CNIH3: variants seen among roughly 807,000 people sequenced by gnomAD.
CNIH3 encodes cornichon family AMPA receptor auxiliary protein 3, also known as protein cornichon homolog 3.
In CNIH3, 14 loss-of-function variants were observed where a neutral mutation model predicts 24.1. That is an observed-to-expected ratio of 0.58 (90% CI 0.38 to 0.91). CNIH3 has a LOEUF of 0.91. Among genes scored for constraint, CNIH3 ranks in the 40% least tolerant of loss-of-function variants. The pLI, the probability that CNIH3 is intolerant of heterozygous loss-of-function variation, is 0.00. For missense variants in CNIH3, 178 were observed against 196.8 expected (o/e 0.90, Z 0.57); for synonymous variants, 68 against 73.8 (o/e 0.92, Z 0.40).
chr1:224,630,518 C>T (rs1223623973), intron 1 of CNIH3, among the ~76,000 whole-genome samples: 5 of 152,120 alleles, frequency 3.3e-5, no homozygotes, highest in Admixed American at 6.5e-5. Context: ...CAATTACCAC[C>T]GCAACAAAAA....
At chr1:224,692,136 AAGTT>A (rs1686961946) in intron 3 of CNIH3, among the ~76,000 whole-genome samples, 1 of 152,142 alleles carries the variant, frequency 6.6e-6, no homozygotes, top group Non-Finnish European at 1.5e-5. Flanking sequence ...TATCTACAAA[AAGTT>A]AGTAAAATAA....
chr1:224,494,543 A>C (rs796446148), intron 1 of CNIH3, among the ~76,000 whole-genome samples: 1 of 152,182 alleles, frequency 6.6e-6, no homozygotes, highest in Non-Finnish European at 1.5e-5. Context: ...TTTTGAGTTC[A>C]CATTCCTGCC....
At chr1:224,581,333 A>G (rs1472752838) in intron 4 of CNIH3, among the ~76,000 whole-genome samples, 2 of 152,146 alleles carry the variant, frequency 1.3e-5, no homozygotes, top group East Asian at 3.8e-4. Flanking sequence ...CTTGAAGTAA[A>G]AAAGGCATCA....
intron 4 of CNIH3, among the ~76,000 whole-genome samples, chr1:224,732,429 G>T (rs1326732137): frequency 6.6e-6 from 1 of 152,216 alleles, no homozygotes; most frequent in Non-Finnish European, 1.5e-5. Flanking sequence ...GAATTAGAGA[G>T]AAGTCAAATA....
At chr1:224,440,756 C>A (rs1013322170) in intron 1 of CNIH3, among the ~76,000 whole-genome samples, 24 of 150,992 alleles carry the variant, frequency 1.6e-4, no homozygotes, top group African/African-American at 5.1e-4. Flanking sequence ...GGGAGAAGTT[C>A]TTATTTTTCC....
At chr1:224,630,599 C>G (rs1408188787) in intron 1 of CNIH3, among the ~76,000 whole-genome samples, 4 of 152,244 alleles carry the variant, frequency 2.6e-5, no homozygotes, top group African/African-American at 9.6e-5. Context: ...TGCTTTTCTT[C>G]TTCCTCCTGG....
chr1:224,572,417 G>A (rs1433017693), intron 4 of CNIH3, among the ~76,000 whole-genome samples: 1 of 151,844 alleles, frequency 6.6e-6, no homozygotes, highest in Admixed American at 6.6e-5. Context: ...TTGGGAGGTT[G>A]AGGGATGAGA....
chr1:224,656,969 A>G (rs1360559659), intron 1 of CNIH3, among the ~76,000 whole-genome samples: 1 of 152,182 alleles, frequency 6.6e-6, no homozygotes, highest in Admixed American at 6.5e-5. Context: ...TTTCCTAGAC[A>G]AGATTTGTCT....
At chr1:224,653,023 A>G (rs1355618928) in intron 1 of CNIH3, among the ~76,000 whole-genome samples, 1 of 152,254 alleles carries the variant, frequency 6.6e-6, no homozygotes, top group African/African-American at 2.4e-5. Flanking sequence ...ATTTTGTGCC[A>G]GCCCTGGTGA....
intron 2 of CNIH3, among the ~76,000 whole-genome samples, chr1:224,542,852 A>G (rs980577247): frequency 1.3e-5 from 2 of 152,214 alleles, no homozygotes; most frequent in Non-Finnish European, 2.9e-5. Flanking sequence ...CTGCTATTGT[A>G]TAATAATTTC....
chr1:224,729,627 T>C (rs1200071235), intron 3 of CNIH3, among the ~76,000 whole-genome samples: 1 of 152,136 alleles, frequency 6.6e-6, no homozygotes, highest in Non-Finnish European at 1.5e-5. Flanking sequence ...TAGCCTTCCC[T>C]ACTGCTGGTC....
chr1:224,524,574 A>G lies in CNIH3; in HGVS notation n.343+3247A>G, dbSNP rs141544689. 8.5e-5 allele frequency among the ~76,000 whole-genome samples: 13 copies of G among 152,234 alleles called. No homozygotes were observed. The East Asian group carries it at 1.2e-3, about 14-fold the overall frequency. On this transcript the variant is annotated intron_variant and non_coding_transcript_variant, in intron 2 of 2. Transcript: ENST00000470602. ...ACAGGGGCATAATTTTGGGTTGTCTATGACTGTAGAGGGAATGACTTAGTT... is the reference window on the plus strand; with the variant it reads ...ACAGGGGCATAATTTTGGGTTGTCTGTGACTGTAGAGGGAATGACTTAGTT...
At chr1:224,715,260 T>C (rs2117941) in intron 3 of CNIH3, among the ~76,000 whole-genome samples, 107,322 of 152,064 alleles carry the variant, frequency 0.71, 38,800 homozygotes, top group East Asian at 0.96. Context: ...TTCCTGACTC[T>C]GCACCCTCTG....
chr1:224,656,478 C>T (rs1019889862), intron 1 of CNIH3, among the ~76,000 whole-genome samples: 6 of 152,078 alleles, frequency 3.9e-5, no homozygotes, highest in Admixed American at 6.6e-5. Context: ...GAACAATGAC[C>T]GGAAAAGTTC....
intron 1 of CNIH3, among the ~76,000 whole-genome samples, chr1:224,637,873 C>T (rs72760372): frequency 0.015 from 2,328 of 152,318 alleles, 22 homozygotes; most frequent in Non-Finnish European, 0.023. Flanking sequence ...CACCCCCAGT[C>T]CCCCTGTCTG....
At chr1:224,581,210 G>A (rs1681261241) in intron 4 of CNIH3, among the ~76,000 whole-genome samples, 1 of 151,960 alleles carries the variant, frequency 6.6e-6, no homozygotes, top group Admixed American at 6.6e-5. Flanking sequence ...TTTTCACTTT[G>A]TTCTGGGGAT....
In CNIH3 at chr1:224,734,743, C is replaced by A. The variant is rs192622027; in HGVS notation, c.455+37C>A. ...CCCCTCCTGGTGGTTTTGACTCCTG[C>A]AGCAAAAGGAAGAGAATTTCAGGCT... is the stretch of plus-strand genomic sequence containing the variant. On this transcript the variant is annotated intron_variant, in intron 5 of 5. Transcript: ENST00000272133. 7 of 1,608,946 alleles carry A rather than the reference C, an allele frequency of 4.4e-6. No individual in the cohort carries two copies. In the African/African-American group the frequency reaches 9.3e-5, roughly 21 times the overall value.
intron 3 of CNIH3, among the ~76,000 whole-genome samples, chr1:224,695,708 C>T (rs1687131733): frequency 6.6e-6 from 1 of 152,210 alleles, no homozygotes. Context: ...CCCTAGGGGC[C>T]AATCTCTGCA....
At chr1:224,539,587 C>G (rs712083), downstream of CNIH3, among the ~76,000 whole-genome samples, 1,023 of 152,276 alleles carry the variant, frequency 6.7e-3, 12 homozygotes, top group African/African-American at 0.023. Context: ...TTACAACGCT[C>G]TAGGATTCAG....
Sources: allele counts gnomAD v4.1 joint callset (sites outside exome capture counted in the v4.1 genomes callset), GRCh38; gene constraint gnomAD v4.1.1; transcripts MANE v1.5; gene names NCBI Gene and HGNC (gene_info 2026-07-23, HGNC 2026-07-21).